The following ZBTB7C variants were observed in gnomAD, a reference collection of about 807,000 sequenced individuals.
ZBTB7C encodes zinc finger and BTB domain-containing protein 7C.
Under a neutral mutation model 25.7 loss-of-function variants are expected in ZBTB7C, and 8 were observed. That is an observed-to-expected ratio of 0.31 (90% CI 0.18 to 0.56). The LOEUF (loss-of-function observed/expected upper bound fraction) is 0.56, where lower values mean the gene tolerates loss of function less well. Among genes scored for constraint, ZBTB7C ranks in the 20% least tolerant of loss-of-function variants. The pLI is 0.91. For missense variants in ZBTB7C, 824 were observed against 855.2 expected (o/e 0.96, Z 0.46); for synonymous variants, 394 against 369.0 (o/e 1.07, Z -0.78).
At chr18:48,060,521 T>C (rs1272503293) in intron 3 of ZBTB7C, among the ~76,000 whole-genome samples, 2 of 152,062 alleles carry the variant, frequency 1.3e-5, no homozygotes, top group Non-Finnish European at 2.9e-5. Context: ...CACCTTCCAA[T>C]ACCTGGAAGA....
chr18:48,162,472 T>C, intron 3 of ZBTB7C: 4 of 445,028 alleles, frequency 9.0e-6, no homozygotes, highest in South Asian at 4.7e-5. Context: ...AATAGGGACT[T>C]CATAGACAGT....
At chr18:48,210,234 A>G (rs2042671694) in intron 2 of ZBTB7C, among the ~76,000 whole-genome samples, 2 of 152,252 alleles carry the variant, frequency 1.3e-5, no homozygotes. Context: ...GTAAAATGGC[A>G]CAACCACTTT....
At chr18:48,038,647 C>A (rs1486475308) in intron 4 of ZBTB7C, among the ~76,000 whole-genome samples, 1 of 151,752 alleles carries the variant, frequency 6.6e-6, no homozygotes, top group Non-Finnish European at 1.5e-5. Flanking sequence ...GCTTTGGGCC[C>A]ACTGAGGAAA....
At chr18:48,104,885 C>G (rs1300681420) in intron 3 of ZBTB7C, among the ~76,000 whole-genome samples, 1 of 152,186 alleles carries the variant, frequency 6.6e-6, no homozygotes, top group Non-Finnish European at 1.5e-5. Flanking sequence ...CAGGCAAGCC[C>G]TGAAGCGCCA....
intron 3 of ZBTB7C, among the ~76,000 whole-genome samples, chr18:48,084,272 CG>C (rs1207496540): frequency 3.3e-5 from 5 of 152,142 alleles, no homozygotes; most frequent in Admixed American, 6.5e-5. Flanking sequence ...GGCCAGAGGT[CG>C]GGGGACTGCA....
At chr18:48,108,571 C>A (rs1389325387) in intron 3 of ZBTB7C, among the ~76,000 whole-genome samples, 2 of 152,150 alleles carry the variant, frequency 1.3e-5, no homozygotes, top group African/African-American at 4.8e-5. Context: ...ATAGTTAGGA[C>A]TACAGGCATG....
rs143926405 is a variant in ZBTB7C at position 48,260,473 on chromosome 18, C to T, written c.-78-74478G>A. Among the ~76,000 whole-genome samples, 14 of 152,198 alleles carry T rather than the reference C, an allele frequency of 9.2e-5. No individual in the cohort carries two copies. In the East Asian group the frequency reaches 2.7e-3, roughly 29 times the overall value. ...ATAAGTCTAAACTTACCAAATTGTC[C>T]ACTTTAACCATGTGCAATTTACTGT... On this transcript the variant is annotated intron_variant, in intron 2 of 4. Transcript: ENST00000590800.
chr18:48,241,183 C>A (rs932059837), intron 2 of ZBTB7C, among the ~76,000 whole-genome samples: 2 of 151,928 alleles, frequency 1.3e-5, no homozygotes, highest in African/African-American at 4.8e-5. Context: ...CCTAACACTG[C>A]AACTCTCAAA....
intron 2 of ZBTB7C, among the ~76,000 whole-genome samples, chr18:48,306,773 T>C (rs2045685054): frequency 1.3e-5 from 2 of 152,258 alleles, no homozygotes; most frequent in South Asian, 4.1e-4. Flanking sequence ...TGCCTACCTT[T>C]TACGTGGTGC....
chr18:48,257,321 C>A (rs76717448), intron 2 of ZBTB7C, among the ~76,000 whole-genome samples: 7,460 of 152,004 alleles, frequency 0.049, 226 homozygotes, highest in Middle Eastern at 0.085. Context: ...ACTATATACC[C>A]AATAACAGAG....
Position 48,030,164 on chromosome 18 carries a change from C to A in ZBTB7C, c.1209-253G>T, listed in dbSNP as rs561820603. 2.0e-5 allele frequency among the ~76,000 whole-genome samples: 3 copies of A among 152,270 alleles called. No homozygotes were observed. The South Asian group carries it at 6.2e-4, about 32-fold the overall frequency. On this transcript the variant is annotated intron_variant, in intron 4 of 4. Transcript: ENST00000590800. ...CACTCCCCCAAACTCCTTTTATACC[C>A]GAGCTCAGAGTCATGAAACTCCCAC... is the stretch of plus-strand genomic sequence containing the variant.
At chr18:48,223,552 T>G (rs775447351) in intron 2 of ZBTB7C, among the ~76,000 whole-genome samples, 1 of 152,198 alleles carries the variant, frequency 6.6e-6, no homozygotes, top group Non-Finnish European at 1.5e-5. Flanking sequence ...GCTTTTTGGC[T>G]GACAGACCCT....
chr18:48,374,370 G>A (rs896888406), intron 1 of ZBTB7C: 7 of 152,218 alleles, frequency 4.6e-5, no homozygotes, highest in African/African-American at 1.4e-4. Context: ...AGAGGCTTGA[G>A]GTGAGGAACA....
intron 3 of ZBTB7C, among the ~76,000 whole-genome samples, chr18:48,157,361 CA>C: frequency 6.6e-6 from 1 of 152,208 alleles, no homozygotes; most frequent in South Asian, 2.1e-4. Context: ...ACTGGTCCTA[CA>C]AGGCAATAAG....
At chr18:48,268,344 G>A (rs2044374329) in intron 2 of ZBTB7C, among the ~76,000 whole-genome samples, 2 of 152,206 alleles carry the variant, frequency 1.3e-5, no homozygotes, top group South Asian at 4.1e-4. Flanking sequence ...CATTAGGGGA[G>A]AGAGACTTCA....
At chr18:48,275,332 G>A (rs552887162) in intron 2 of ZBTB7C, among the ~76,000 whole-genome samples, 37 of 152,194 alleles carry the variant, frequency 2.4e-4, no homozygotes, top group Non-Finnish European at 3.8e-4. Context: ...GCGCTGCTGC[G>A]TTCCTATGCC....
At chr18:48,072,208 C>T (rs1280600097) in intron 3 of ZBTB7C, among the ~76,000 whole-genome samples, 5 of 152,340 alleles carry the variant, frequency 3.3e-5, no homozygotes, top group Middle Eastern at 3.4e-3. Context: ...TGATTTCTAG[C>T]TGTGTGAAAG....
chr18:48,029,429 A>T lies in ZBTB7C; in HGVS notation c.1691T>A (p.Leu564Gln). Residue 564 changes from leucine to glutamine, a missense_variant, in exon 5 of 5, where the codon CTG becomes CAG. This residue lies in a region of ZBTB7C where 342 missense variants were observed against 307.0 expected (regional missense o/e 1.11). Coordinates refer to ENST00000590800, the MANE Select transcript of ZBTB7C (RefSeq NM_001318841.2). Reference sequence around the variant, plus strand: ...GCCCCCCGCGTTCCTCTCAGCCTCCAGCTGCGCGCGCCCGAACAGCTTCAT... The same window carrying T: ...GCCCCCCGCGTTCCTCTCAGCCTCCTGCTGCGCGCGCCCGAACAGCTTCAT... Reference protein sequence around the residue: ...TQMKLFGRAQLEAERNAGGLL... With the variant: ...TQMKLFGRAQQEAERNAGGLL... 1 of 1,588,564 alleles carries T rather than the reference A, an allele frequency of 6.3e-7. No individual in the cohort carries two copies.
chr18:48,280,755 A>G (rs890062764), intron 2 of ZBTB7C, among the ~76,000 whole-genome samples: 1 of 152,142 alleles, frequency 6.6e-6, no homozygotes, highest in Non-Finnish European at 1.5e-5. Flanking sequence ...CCAGGTCCCA[A>G]CTAACACTCA....
Sources: allele counts gnomAD v4.1 joint callset (sites outside exome capture counted in the v4.1 genomes callset), GRCh38; gene constraint gnomAD v4.1.1; regional missense constraint gnomAD v4.1.1; transcripts MANE v1.5; gene names NCBI Gene and HGNC (gene_info 2026-07-23, HGNC 2026-07-21).